Variants in HOOK3 observed in about 807,000 individuals in gnomAD.
HOOK3 encodes protein Hook homolog 3.
Under a neutral mutation model 116.3 loss-of-function variants are expected in HOOK3, and 24 were observed. The observed-to-expected ratio is 0.21, with a 90% confidence interval of 0.15 to 0.29. The LOEUF (loss-of-function observed/expected upper bound fraction) is 0.29, where lower values mean the gene tolerates loss of function less well. HOOK3 is among the 10% of genes least tolerant of loss of function. HOOK3 has a pLI of 1.00. For missense variants in HOOK3, 632 were observed against 830.2 expected (o/e 0.76, Z 2.93); for synonymous variants, 275 against 283.0 (o/e 0.97, Z 0.28).
At chr8:43,008,359 G>A (rs1484437363) in intron 18 of HOOK3, among the ~76,000 whole-genome samples, 2 of 151,880 alleles carry the variant, frequency 1.3e-5, no homozygotes, top group East Asian at 1.9e-4. Context: ...GTGTTGCCCA[G>A]ACTGGAGTAA....
intron 18 of HOOK3, among the ~76,000 whole-genome samples, chr8:43,008,671 T>TTTATTTATTTA (rs1563313451): frequency 1.1e-4 from 16 of 148,012 alleles, no homozygotes; most frequent in African/African-American, 3.7e-4. Context: ...TTATTTTTTT[T>TTTATTTATTTA]TTTTTTGAGA....
chr8:42,919,090 G>T (rs1415466133), intron 2 of HOOK3, among the ~76,000 whole-genome samples: 1 of 149,838 alleles, frequency 6.7e-6, no homozygotes, highest in African/African-American at 2.5e-5. Context: ...GGCGGGGGCT[G>T]CCCCCCATCA....
At chr8:42,976,311 G>A (rs1808827840) in intron 13 of HOOK3, among the ~76,000 whole-genome samples, 1 of 151,864 alleles carries the variant, frequency 6.6e-6, no homozygotes, top group Non-Finnish European at 1.5e-5. Flanking sequence ...TTCAAGAGCA[G>A]CCTGGGCAAC....
chr8:42,999,713 G>T (rs908128454), intron 16 of HOOK3, among the ~76,000 whole-genome samples: 1 of 152,016 alleles, frequency 6.6e-6, no homozygotes, highest in Non-Finnish European at 1.5e-5. Context: ...TATGTAATTT[G>T]TTTTTAGCAT....
At chr8:42,953,895 C>G (rs555840331) in intron 6 of HOOK3, among the ~76,000 whole-genome samples, 1 of 152,238 alleles carries the variant, frequency 6.6e-6, no homozygotes, top group South Asian at 2.1e-4. Flanking sequence ...ACCGAGATAG[C>G]ACTCAGGTCT....
rs756649322 is a variant in HOOK3, at chr8:42,968,183, C to G, written c.1091C>G (p.Ala364Gly). The G allele has an allele frequency of 6.2e-7, 1 of 1,613,530 alleles. No individual in the cohort carries two copies. Among genetic ancestry groups the G allele is most frequent in the Non-Finnish European group, 8.5e-7 (1 of 1,179,698 alleles). Residue 364 changes from alanine (A) to glycine (G), a missense_variant, in exon 11 of 22, where the codon GCG becomes GGG. Ala to Gly is a moderately conservative substitution (Grantham distance 60, BLOSUM62 0). Coordinates refer to ENST00000307602, the MANE Select transcript of HOOK3 (RefSeq NM_032410.4). ...GAAGAGTTAAGAAAGGCCAACGCAGCGCGAAGTCAACTTGAAACCTACAAG... is the reference window on the plus strand; with the variant it reads ...GAAGAGTTAAGAAAGGCCAACGCAGGGCGAAGTCAACTTGAAACCTACAAG... ...LEEELRKANA[A>G]RSQLETYKRQ...
At chr8:43,001,591 T>C (rs1267293130) in intron 16 of HOOK3, among the ~76,000 whole-genome samples, 1 of 152,034 alleles carries the variant, frequency 6.6e-6, no homozygotes, top group Non-Finnish European at 1.5e-5. Flanking sequence ...CTCCAACATA[T>C]TAAAGGCTGT....
chr8:42,960,730 G>A (rs997432855), intron 8 of HOOK3, among the ~76,000 whole-genome samples: 3 of 152,122 alleles, frequency 2.0e-5, no homozygotes, highest in Admixed American at 2.0e-4. Context: ...AAAGTGTCAG[G>A]CACTGGGATG....
intron 6 of HOOK3, among the ~76,000 whole-genome samples, chr8:42,951,480 C>T (rs948223712): frequency 2.0e-5 from 3 of 152,106 alleles, no homozygotes; most frequent in Admixed American, 6.6e-5. Flanking sequence ...TGAATATTTA[C>T]GTTTTAAATG....
intron 18 of HOOK3, 40 bp from the exon 19 acceptor site, chr8:43,010,265 A>G (rs1563313881): frequency 2.3e-6 from 1 of 426,932 alleles, no homozygotes; most frequent in South Asian, 7.1e-5. Context: ...ATTTATATAT[A>G]TTATCTAAAT....
chr8:43,009,736 C>T (rs1326946169), intron 18 of HOOK3, among the ~76,000 whole-genome samples: 5 of 152,150 alleles, frequency 3.3e-5, no homozygotes, highest in Non-Finnish European at 7.3e-5. Context: ...AGGACATTCA[C>T]ATAGCACAAC....
chr8:42,970,601 G>A (rs1295230592), intron 11 of HOOK3, among the ~76,000 whole-genome samples: 1 of 151,754 alleles, frequency 6.6e-6, no homozygotes, highest in Non-Finnish European at 1.5e-5. Context: ...TTTGTGTTTG[G>A]GGTTGCTTTT....
At chr8:42,986,816 G>A (rs766520827) in intron 15 of HOOK3, 21 bp downstream of exon 15, 16 of 1,606,540 alleles carry the variant, frequency 1.0e-5, no homozygotes, top group African/African-American at 5.4e-5. Flanking sequence ...ATAGGTGGCC[G>A]CATCTGGCTA....
chr8:42,988,009 A>G (rs920092565), intron 15 of HOOK3, among the ~76,000 whole-genome samples: 3 of 152,126 alleles, frequency 2.0e-5, no homozygotes, highest in African/African-American at 7.2e-5. Context: ...AGGAGTCACA[A>G]TTGCTGTGAC....
intron 3 of HOOK3, among the ~76,000 whole-genome samples, chr8:42,929,637 G>A (rs914951631): frequency 6.6e-6 from 1 of 151,830 alleles, no homozygotes; most frequent in Non-Finnish European, 1.5e-5. Flanking sequence ...TTTTTTTCTG[G>A]TAGGGGAAGA....
rs1329733944 is a variant in HOOK3 at position 43,013,087 on chromosome 8, G to A, written c.1876G>A (p.Ala626Thr). The change falls in exon 20 of 22, where the codon GCA becomes ACA. Residue 626 changes from alanine (A) to threonine (T), a missense_variant. By Grantham distance (58) the Ala-to-Thr change is moderately conservative. Around this residue, in one of 3 missense-constraint regions of HOOK3, gnomAD observed 483 missense variants for 648.1 expected, o/e 0.75. Coordinates refer to ENST00000307602, the MANE Select transcript of HOOK3 (RefSeq NM_032410.4). ...RTLDPKQNQG[A>T]APEIQALKNQ... ...TTTAGATCCTAAACAGAATCAAGGAGCAGCACCAGAAATACAAGCTCTTAA... is the reference window on the plus strand; with the variant it reads ...TTTAGATCCTAAACAGAATCAAGGAACAGCACCAGAAATACAAGCTCTTAA... 2 of 1,613,118 alleles carry A rather than the reference G, an allele frequency of 1.2e-6. No homozygotes were observed. Among genetic ancestry groups the A allele is most frequent in the Admixed American group, 1.7e-5 (1 of 59,938 alleles).
Position 42,950,416 on chromosome 8 carries a change from G to A in HOOK3, c.429G>A (p.Glu143=), listed in dbSNP as rs760295402. Reference sequence around the variant, plus strand: ...ACATCCAAGCCATTATGATGATGGAGGAATCTGTTCAACATGTTGTCATGA... The same window carrying A: ...ACATCCAAGCCATTATGATGATGGAAGAATCTGTTCAACATGTTGTCATGA... ...QEYIQAIMMM[E]ESVQHVVMTA... Residue 143 remains glutamate (E), a synonymous_variant, in exon 6 of 22, where the codon GAG becomes GAA. Transcript: ENST00000307602. 1.9e-6 allele frequency: 3 copies of A among 1,610,422 alleles called. No individual in the cohort carries two copies. In the Admixed American group the frequency reaches 5.0e-5, roughly 27 times the overall value.
chr8:42,965,807 A>G (rs1343303515), intron 9 of HOOK3, among the ~76,000 whole-genome samples: 3 of 151,762 alleles, frequency 2.0e-5, no homozygotes, highest in Non-Finnish European at 4.4e-5. Flanking sequence ...TAGAAACCTT[A>G]GAAACAGTCC....
intron 1 of HOOK3, among the ~76,000 whole-genome samples, chr8:42,899,254 C>G (rs960998425): frequency 6.6e-6 from 1 of 152,142 alleles, no homozygotes; most frequent in Non-Finnish European, 1.5e-5. Context: ...CCTAAAATGT[C>G]AAGAAAACGA....
Sources: gnomAD v4.1 joint callset for allele counts (sites outside exome capture counted in the v4.1 genomes callset) on GRCh38, gnomAD v4.1.1 for gene constraint, gnomAD v4.1.1 regional missense constraint, MANE v1.5 for transcripts, NCBI Gene and HGNC (gene_info 2026-07-23, HGNC 2026-07-21) for gene names.